SPTY2D1: variants seen among roughly 807,000 people sequenced by gnomAD.
SPTY2D1 encodes the protein protein SPT2 homolog.
Under a neutral mutation model 64.0 loss-of-function variants are expected in SPTY2D1, and 21 were observed. The observed-to-expected ratio is 0.33, with a 90% confidence interval of 0.23 to 0.47. The LOEUF (loss-of-function observed/expected upper bound fraction) is 0.47. SPTY2D1 is among the 20% of genes least tolerant of loss of function. The probability of loss-of-function intolerance (pLI) is 1.00; values close to 1 mark genes in which losing one functional copy is unlikely to be tolerated. For synonymous variants in SPTY2D1, 287 were observed against 286.8 expected (o/e 1.00, Z -0.01); for missense variants, 724 against 837.2 (o/e 0.86, Z 1.67).
intron 1 of SPTY2D1, among the ~76,000 whole-genome samples, chr11:18,626,480 TG>T (rs1236666986): frequency 6.6e-6 from 1 of 151,490 alleles, no homozygotes; most frequent in African/African-American, 2.4e-5. Flanking sequence ...GATAGGGAAC[TG>T]GATGGGTTCA....
At chr11:18,610,120 A>G (rs961659721) in intron 5 of SPTY2D1, 166 bp from the exon 6 acceptor site, 5 of 516,560 alleles carry the variant, frequency 9.7e-6, no homozygotes, top group Non-Finnish European at 1.3e-5. Context: ...TTTTTTTACC[A>G]GGGGCCACAG....
At chr11:18,630,785 G>A (rs957288940) in intron 1 of SPTY2D1, among the ~76,000 whole-genome samples, 1 of 152,100 alleles carries the variant, frequency 6.6e-6, no homozygotes, top group African/African-American at 2.4e-5. Flanking sequence ...GTGTGTATAG[G>A]GCAGGGAGGG....
At chr11:18,626,441 C>T (rs1454064472) in intron 1 of SPTY2D1, among the ~76,000 whole-genome samples, 4 of 143,754 alleles carry the variant, frequency 2.8e-5, no homozygotes, top group Non-Finnish European at 6.1e-5. Flanking sequence ...AAAAAAAAAA[C>T]AGAGTTACTG....
intron 1 of SPTY2D1, among the ~76,000 whole-genome samples, chr11:18,622,731 C>T (rs1223957631): frequency 6.6e-6 from 1 of 152,060 alleles, no homozygotes; most frequent in Non-Finnish European, 1.5e-5. Flanking sequence ...GCGGGCAGAT[C>T]ACCTGAGGTC....
intron 1 of SPTY2D1, among the ~76,000 whole-genome samples, chr11:18,629,589 T>C (rs1447574580): frequency 1.3e-5 from 2 of 152,222 alleles, no homozygotes; most frequent in African/African-American, 4.8e-5. Flanking sequence ...CTACTTTGTT[T>C]TTCCTACTGG....
intron 1 of SPTY2D1, among the ~76,000 whole-genome samples, chr11:18,628,516 G>A (rs1854534412): frequency 6.6e-6 from 1 of 152,132 alleles, no homozygotes; most frequent in African/African-American, 2.4e-5. Context: ...AAAAGCCACA[G>A]GCTGGATTAC....
chr11:18,625,103 G>T lies in SPTY2D1; in HGVS notation c.61-8114C>A, dbSNP rs532190759. 3.2e-4 allele frequency among the ~76,000 whole-genome samples: 48 copies of T among 152,318 alleles called. No homozygotes were observed. The South Asian group carries it at 9.3e-3, about 30-fold the overall frequency. The stretch of plus-strand genomic sequence containing the variant: ...TAAATTTCTTGATGGCTTTACATAA[G>T]AGATTTATAACTGGTTAGAATTAGG... On this transcript the variant is annotated intron_variant, in intron 1 of 5. Transcript: ENST00000336349.
rs572175667 is a variant in SPTY2D1, at chr11:18,627,777, G to T, written c.60+6421C>A. 3.9e-5 allele frequency among the ~76,000 whole-genome samples: 6 copies of T among 152,024 alleles called. No homozygotes were observed. In the East Asian group the frequency reaches 1.2e-3, roughly 29 times the overall value. Reference sequence around the variant, plus strand: ...GCCTATAGTCCCAGCTACTCGGGAGGCTGAGGCAGGAGAATGGCGTGAGCC... The same window carrying T: ...GCCTATAGTCCCAGCTACTCGGGAGTCTGAGGCAGGAGAATGGCGTGAGCC... On this transcript the variant is annotated intron_variant, in intron 1 of 5. Coordinates refer to ENST00000336349, the MANE Select transcript of SPTY2D1 (RefSeq NM_194285.3).
rs1213011135 is a variant in SPTY2D1 at position 18,611,636 on chromosome 11, T to C, written c.1887-82A>G. 2.7e-6 allele frequency: 3 copies of C among 1,115,916 alleles called. No homozygotes were observed. In the African/African-American group the frequency reaches 4.7e-5, roughly 17 times the overall value. The allele number at this position is 1,115,916 out of a possible 1,614,324, so 69.1% of individuals were successfully genotyped here. On this transcript the variant is annotated intron_variant, in intron 4 of 5. Transcript: ENST00000336349. ...TACGTCCTCTCATTTAAAAAATCAA[T>C]ATCTCCTTTAAAACTAAATCAAGCA...
chr11:18,633,636 C>T (rs1042424286), intron 1 of SPTY2D1, among the ~76,000 whole-genome samples: 1 of 152,184 alleles, frequency 6.6e-6, no homozygotes, highest in Non-Finnish European at 1.5e-5. Flanking sequence ...ATCTGCTAAA[C>T]TTCTCTTCCC....
In SPTY2D1 at chr11:18,612,415, A is replaced by G; in HGVS notation, c.1785T>C (p.Asp595=). 1.2e-6 allele frequency: 2 copies of G among 1,610,932 alleles called. No homozygotes were observed. The highest frequency in any genetic ancestry group is 1.7e-6 in the Non-Finnish European group (2 of 1,177,880). The change falls in exon 4 of 6, where the codon GAT becomes GAC. Residue 595 remains aspartate, a synonymous_variant. Coordinates refer to ENST00000336349, the MANE Select transcript of SPTY2D1 (RefSeq NM_194285.3). This position sits in a 1 kb window ranked among gnomAD's most constrained non-coding sequence, Gnocchi z 4.6. ...REYEEEDDDD[D]EYDSEMEDFI... ...AATCTTCCATTTCAGAGTCGTATTCATCATCATCGTCATCTTCCTCTTCAT... is the reference window on the plus strand; with the variant it reads ...AATCTTCCATTTCAGAGTCGTATTCGTCATCATCGTCATCTTCCTCTTCAT...
Position 18,631,482 on chromosome 11 carries a change from G to A in SPTY2D1, c.60+2716C>T, listed in dbSNP as rs143450747. ...TGAGGCAGGAGAATGGCTTGAACCT[G>A]CGAGGCGGAGCTTGCAGTGAGCCAA... On this transcript the variant is annotated intron_variant, in intron 1 of 5. Coordinates refer to ENST00000336349, the MANE Select transcript of SPTY2D1 (RefSeq NM_194285.3). Among the ~76,000 whole-genome samples, 697 of 151,888 alleles carry A rather than the reference G, an allele frequency of 4.6e-3. 4 individuals carry two copies. The highest frequency in any genetic ancestry group is 7.2e-3 in the Non-Finnish European group (490 of 67,944).
At chr11:18,627,554 C>G (rs895034098) in intron 1 of SPTY2D1, among the ~76,000 whole-genome samples, 1 of 152,002 alleles carries the variant, frequency 6.6e-6, no homozygotes, top group African/African-American at 2.4e-5. Flanking sequence ...ACCAGACTGG[C>G]CAACATAGTG....
At chr11:18,611,692 G>A (rs969130543) in intron 4 of SPTY2D1, 138 bp from the exon 5 acceptor site, 9 of 727,146 alleles carry the variant, frequency 1.2e-5, no homozygotes, top group Non-Finnish European at 1.8e-5. Context: ...GCTTGGCAGC[G>A]AGTGAGGGGA....
At chr11:18,626,977 T>C (rs1272662200) in intron 1 of SPTY2D1, among the ~76,000 whole-genome samples, 1 of 152,164 alleles carries the variant, frequency 6.6e-6, no homozygotes, top group Non-Finnish European at 1.5e-5. Context: ...GAGAGTCTAT[T>C]TGGGGCTTCT....
chr11:18,614,110 A>G (rs886436110), intron 3 of SPTY2D1, among the ~76,000 whole-genome samples: 3 of 152,182 alleles, frequency 2.0e-5, no homozygotes, highest in Admixed American at 2.0e-4. Flanking sequence ...GTCTCTTTCT[A>G]AAGACCTTTC....
At chr11:18,616,834 TG>T (rs770493968) in intron 2 of SPTY2D1, 40 bp downstream of exon 2, 7 of 1,587,898 alleles carry the variant, frequency 4.4e-6, no homozygotes, top group African/African-American at 1.4e-5. Flanking sequence ...ATGGTGAAGA[TG>T]GAATACTTTA....
intron 5 of SPTY2D1, 120 bp downstream of exon 5, chr11:18,611,357 A>G (rs1360721432): frequency 3.5e-6 from 3 of 864,436 alleles, no homozygotes; most frequent in Admixed American, 2.3e-5. Context: ...GCTAGTAAAC[A>G]GGATTGGAAT....
At chr11:18,623,777 T>A (rs1854454642) in intron 1 of SPTY2D1, among the ~76,000 whole-genome samples, 1 of 152,218 alleles carries the variant, frequency 6.6e-6, no homozygotes, top group African/African-American at 2.4e-5. Flanking sequence ...AAATAAATCC[T>A]ACTGGTTCCA....
Sources: gnomAD v4.1 joint callset for allele counts (sites outside exome capture counted in the v4.1 genomes callset) on GRCh38, gnomAD v4.1.1 for gene constraint, Gnocchi (gnomAD v3.1) non-coding constraint, MANE v1.5 for transcripts, NCBI Gene and HGNC (gene_info 2026-07-23, HGNC 2026-07-21) for gene names.